RAB38: variants seen among roughly 807,000 people sequenced by gnomAD.
RAB38 encodes the protein ras-related protein Rab-38.
RAB38 carries 15 observed loss-of-function variants against 18.4 expected under a neutral mutation model. The observed-to-expected ratio is 0.82, with a 90% CI of 0.55 to 1.26. The LOEUF is 1.26. Ranked by LOEUF, RAB38 falls within the 50% of genes most tolerant of loss-of-function variation. The pLI, the probability that RAB38 is intolerant of heterozygous loss-of-function variation, is 0.00. For synonymous variants in RAB38, 101 were observed against 104.4 expected, an observed-to-expected ratio of 0.97 and a Z score of 0.20; for missense variants, 294 against 267.4, an observed-to-expected ratio of 1.10 and a Z score of -0.69.
At chr11:87,926,160 C>T in the RAB38 span, among the ~76,000 whole-genome samples, 6 of 151,780 alleles carry the variant, frequency 4.0e-5, no homozygotes, top group African/African-American at 1.5e-4. Context: ...ATGAAAGAAT[C>T]GCCACTACCC....
At chr11:88,076,276 C>A in the RAB38 span, among the ~76,000 whole-genome samples, 1 of 151,958 alleles carries the variant, frequency 6.6e-6, no homozygotes, top group Admixed American at 6.6e-5. Context: ...AAACATACCT[C>A]AAATAATAAA....
chr11:88,100,640 C>T, the RAB38 span, among the ~76,000 whole-genome samples: 1 of 151,990 alleles, frequency 6.6e-6, no homozygotes, highest in Admixed American at 6.6e-5. Context: ...GTGTAAACCT[C>T]AATAGCATTT....
At chr11:88,027,001 G>T in the RAB38 span, among the ~76,000 whole-genome samples, 7,486 of 152,166 alleles carry the variant, frequency 0.049, 204 homozygotes, top group Middle Eastern at 0.11. Flanking sequence ...TTTGCGCAAT[G>T]ACCTCACATT....
the RAB38 span, among the ~76,000 whole-genome samples, chr11:87,971,305 C>T: frequency 6.6e-6 from 1 of 152,060 alleles, no homozygotes; most frequent in Non-Finnish European, 1.5e-5. Context: ...GTTGATGTAG[C>T]TGTAATGAGG....
intron 1 of RAB38, among the ~76,000 whole-genome samples, chr11:88,154,410 G>T (rs1281067563): frequency 6.6e-6 from 1 of 152,212 alleles, no homozygotes; most frequent in Non-Finnish European, 1.5e-5. Context: ...GGGACAGGAG[G>T]AGGGCTGATA....
chr11:88,159,023 GACT>G (rs1272052682), intron 1 of RAB38, among the ~76,000 whole-genome samples: 1 of 151,828 alleles, frequency 6.6e-6, no homozygotes, highest in Non-Finnish European at 1.5e-5. Context: ...AAGCCCTAAT[GACT>G]ACGAGAACTA....
chr11:88,151,874 A>G (rs1276242721), intron 1 of RAB38, among the ~76,000 whole-genome samples: 1 of 152,142 alleles, frequency 6.6e-6, no homozygotes, highest in Non-Finnish European at 1.5e-5. Flanking sequence ...AGCAAGTATC[A>G]CTGGAAAAAA....
chr11:88,111,362 T>C (rs937284601), downstream of RAB38, among the ~76,000 whole-genome samples: 1 of 152,160 alleles, frequency 6.6e-6, no homozygotes, highest in African/African-American at 2.4e-5. Flanking sequence ...TTATGGTGAA[T>C]GACCCTTGTC....
the RAB38 span, among the ~76,000 whole-genome samples, chr11:87,860,899 A>G: frequency 6.6e-6 from 1 of 151,898 alleles, no homozygotes; most frequent in African/African-American, 2.4e-5. Context: ...TATATGTCAT[A>G]TATGTTTTAT....
At chr11:87,976,633 ATG>A in the RAB38 span, among the ~76,000 whole-genome samples, 24 of 116,716 alleles carry the variant, frequency 2.1e-4, no homozygotes, top group African/African-American at 6.2e-4. Flanking sequence ...ATAAATATAT[ATG>A]ATTTTATATG....
chr11:87,909,471 C>T, the RAB38 span, among the ~76,000 whole-genome samples: 2 of 151,948 alleles, frequency 1.3e-5, no homozygotes, highest in Non-Finnish European at 2.9e-5. Context: ...CTTTCTCTCT[C>T]CTTTTAAACA....
At chr11:87,938,208 C>A in the RAB38 span, among the ~76,000 whole-genome samples, 1 of 152,070 alleles carries the variant, frequency 6.6e-6, no homozygotes, top group Non-Finnish European at 1.5e-5. Context: ...GGAATTCCAG[C>A]TTTTCATGGG....
At chr11:88,023,015 A>C in the RAB38 span, among the ~76,000 whole-genome samples, 9 of 152,126 alleles carry the variant, frequency 5.9e-5, no homozygotes. Context: ...ATAGAGTGAG[A>C]GGAAGGAGAG....
chr11:88,134,471 A>C (rs9734777), intron 2 of RAB38, among the ~76,000 whole-genome samples: 37,293 of 151,980 alleles, frequency 0.25, 4,686 homozygotes, highest in Non-Finnish European at 0.28. Context: ...CAAACTCTTG[A>C]CCTTAAGTGA....
chr11:87,894,386 G>A, the RAB38 span, among the ~76,000 whole-genome samples: 1 of 151,644 alleles, frequency 6.6e-6, no homozygotes, highest in Non-Finnish European at 1.5e-5. Context: ...GCCTTTTTAA[G>A]GATAATGATG....
chr11:88,054,955 G>C, the RAB38 span, among the ~76,000 whole-genome samples: 1 of 152,120 alleles, frequency 6.6e-6, no homozygotes, highest in Non-Finnish European at 1.5e-5. Context: ...ATAATGTAGG[G>C]AATAATATGT....
chr11:87,924,240 A>G, the RAB38 span, among the ~76,000 whole-genome samples: 19 of 152,022 alleles, frequency 1.2e-4, 1 homozygote, highest in Admixed American at 7.2e-4. Context: ...CAAAATGCAC[A>G]TACATGCCTT....
chr11:88,031,580 C>A, the RAB38 span, among the ~76,000 whole-genome samples: 5 of 151,920 alleles, frequency 3.3e-5, no homozygotes, highest in African/African-American at 9.7e-5. Context: ...TCTTATACAC[C>A]AATAACAGAC....
the RAB38 span, among the ~76,000 whole-genome samples, chr11:87,883,745 T>C: frequency 1.3e-5 from 2 of 151,908 alleles, no homozygotes; most frequent in Non-Finnish European, 2.9e-5. Flanking sequence ...GTCAGAGAGA[T>C]GCATTGTTGC....
Sources: allele counts gnomAD v4.1 joint callset (sites outside exome capture counted in the v4.1 genomes callset), GRCh38; gene constraint gnomAD v4.1.1; transcripts MANE v1.5; gene names NCBI Gene and HGNC (gene_info 2026-07-23, HGNC 2026-07-21).